The following PTPRN2 variants were observed in gnomAD, a reference collection of about 807,000 sequenced individuals.
PTPRN2 encodes the protein protein tyrosine phosphatase receptor type N2.
In PTPRN2, 74 loss-of-function variants were observed where a neutral mutation model predicts 118.8. The ratio of observed to expected loss-of-function variants is 0.62; its 90% CI spans 0.52 to 0.76. The LOEUF (loss-of-function observed/expected upper bound fraction) is 0.76. Ranked by LOEUF, PTPRN2 falls within the 30% of genes least tolerant of loss-of-function variation. The pLI is 0.00. For missense variants in PTPRN2, 1,481 were observed against 1,394.4 expected (o/e 1.06, Z -0.99); for synonymous variants, 641 against 608.0 (o/e 1.05, Z -0.80).
chr7:158,337,213 T>C (rs1159507143), intron 2 of PTPRN2, among the ~76,000 whole-genome samples: 3 of 149,558 alleles, frequency 2.0e-5, no homozygotes, highest in South Asian at 2.2e-4. Flanking sequence ...AGGTGACACT[T>C]GCAGACGTCA....
chr7:158,205,103 A>G (rs1048052907), intron 4 of PTPRN2, 68 bp downstream of exon 4: 3 of 1,291,924 alleles, frequency 2.3e-6, no homozygotes, highest in Non-Finnish European at 3.4e-6. Context: ...CAAACAAACA[A>G]ATAATAAGTG....
intron 11 of PTPRN2, among the ~76,000 whole-genome samples, chr7:158,018,310 G>T (rs913497894): frequency 1.3e-5 from 2 of 152,228 alleles, no homozygotes; most frequent in Non-Finnish European, 2.9e-5. Context: ...GAAGGAAAAG[G>T]CTCTTGCCTG....
rs925855687 is a variant in PTPRN2 at position 157,868,440 on chromosome 7, T to C, written c.1788+30233A>G. The C allele has an allele frequency of 2.0e-5, 3 of 152,266 alleles. No individual in the cohort carries two copies. Among genetic ancestry groups the C allele is most frequent in the Admixed American group, 2.0e-4 (3 of 15,282 alleles). 9.4% of individuals were successfully genotyped at this position (152,266 alleles called of 1,614,324 possible). A position where few individuals can be genotyped will look rare whatever the true frequency, so the allele number is the denominator to read the frequency against. ...TAGGAAAGCAGACCCAGCCTCTGGA[T>C]TAAAACCATGCCTGGAGGAAACTGG... On this transcript the variant is annotated intron_variant, in intron 12 of 22. Coordinates refer to ENST00000389418, the MANE Select transcript of PTPRN2 (RefSeq NM_002847.5). The surrounding 1 kb of genome is among the most constrained non-coding windows in gnomAD (Gnocchi z 5.2).
chr7:157,693,563 C>A (rs1228765109), intron 12 of PTPRN2, among the ~76,000 whole-genome samples: 3 of 152,084 alleles, frequency 2.0e-5, no homozygotes, highest in Non-Finnish European at 4.4e-5. Context: ...TCCCAGCGAC[C>A]CGGAGCACAG....
intron 12 of PTPRN2, among the ~76,000 whole-genome samples, chr7:157,858,120 A>G (rs1347612804): frequency 2.1e-5 from 2 of 96,826 alleles, no homozygotes; most frequent in Non-Finnish European, 4.3e-5. Flanking sequence ...CCTCCCAGCC[A>G]CCACCCACAC....
chr7:158,580,894 C>T (rs751523381), intron 1 of PTPRN2, among the ~76,000 whole-genome samples: 5 of 152,140 alleles, frequency 3.3e-5, no homozygotes, highest in Admixed American at 6.5e-5. Context: ...AAAAATAAGT[C>T]GCCCATTTCC....
At chr7:158,484,188 C>T (rs1016684241) in intron 2 of PTPRN2, among the ~76,000 whole-genome samples, 1 of 152,042 alleles carries the variant, frequency 6.6e-6, no homozygotes, top group Non-Finnish European at 1.5e-5. Flanking sequence ...TCTGAATGTT[C>T]AGAGTTCCGT....
At chr7:158,372,139 G>T (rs1248928863) in intron 2 of PTPRN2, among the ~76,000 whole-genome samples, 1 of 152,118 alleles carries the variant, frequency 6.6e-6, no homozygotes, top group Non-Finnish European at 1.5e-5. Flanking sequence ...AGCTCTAAGA[G>T]GTCCCCGTGG....
At chr7:157,978,596 C>T (rs1005927049) in intron 11 of PTPRN2, among the ~76,000 whole-genome samples, 3 of 151,888 alleles carry the variant, frequency 2.0e-5, no homozygotes, top group African/African-American at 7.2e-5. Flanking sequence ...CCTTCAAAGT[C>T]ACAAACACTC....
At chr7:158,131,817 C>T (rs971624748) in intron 9 of PTPRN2, among the ~76,000 whole-genome samples, 14 of 149,600 alleles carry the variant, frequency 9.4e-5, no homozygotes, top group African/African-American at 1.5e-4. Context: ...CACACAAATA[C>T]GCAAATACAC....
chr7:157,590,739 G>A lies in PTPRN2; in HGVS notation c.2496+4499C>T, dbSNP rs1433213726. 1.3e-5 allele frequency among the ~76,000 whole-genome samples: 2 copies of A among 152,118 alleles called. No individual in the cohort carries two copies. Among genetic ancestry groups the A allele is most frequent in the African/African-American group, 4.8e-5 (2 of 41,436 alleles). ...CTCGATGCCCCATGCTCACCGAGGG[G>A]ACTTCCCCTGAACCCGTCTTCCAGG... On this transcript the variant is annotated intron_variant, in intron 17 of 22. Transcript: ENST00000389418. The surrounding 1 kb of genome is among the most constrained non-coding windows in gnomAD (Gnocchi z 4.0).
chr7:158,164,517 T>TCG (rs1405387979), intron 6 of PTPRN2, among the ~76,000 whole-genome samples: 3 of 130,090 alleles, frequency 2.3e-5, no homozygotes, highest in Admixed American at 7.4e-5. Flanking sequence ...TAGGGAGGGC[T>TCG]CAGAGCGGGA....
At chr7:157,687,367 G>A (rs1033904619) in intron 12 of PTPRN2, among the ~76,000 whole-genome samples, 6 of 152,224 alleles carry the variant, frequency 3.9e-5, no homozygotes, top group Non-Finnish European at 8.8e-5. Context: ...CCTTTTCCAA[G>A]GTTGTGTGAT....
At chr7:157,726,071 C>T (rs369599812) in intron 12 of PTPRN2, among the ~76,000 whole-genome samples, 116 of 120,032 alleles carry the variant, frequency 9.7e-4, no homozygotes, top group African/African-American at 3.0e-3. Context: ...GATATCCACA[C>T]GCAGAGGAGT....
chr7:157,694,045 G>C (rs901612859), intron 12 of PTPRN2, among the ~76,000 whole-genome samples: 1 of 152,280 alleles, frequency 6.6e-6, no homozygotes, highest in Admixed American at 6.5e-5. Flanking sequence ...GTACAGGCCA[G>C]AGAGCTGGTT....
rs1467720441 is a variant in PTPRN2 at position 157,964,999 on chromosome 7, G to T, written c.1724-66262C>A. Among the ~76,000 whole-genome samples the T allele has an allele frequency of 2.0e-5, 3 of 152,204 alleles. No homozygotes were observed. The highest frequency in any genetic ancestry group is 7.2e-5 in the African/African-American group (3 of 41,448). ...ACAGGGATCTGAGGCACAAGGCAGG[G>T]CTGTCCCAGGCAAACAGGGACACCG... is the stretch of plus-strand genomic sequence containing the variant. On this transcript the variant is annotated intron_variant, in intron 11 of 22. Transcript: ENST00000389418. This position sits in a 1 kb window ranked among gnomAD's most constrained non-coding sequence, Gnocchi z 9.0.
intron 13 of PTPRN2, among the ~76,000 whole-genome samples, chr7:157,660,375 A>C (rs1347089124): frequency 6.6e-6 from 1 of 152,170 alleles, no homozygotes; most frequent in African/African-American, 2.4e-5. Flanking sequence ...TGGAGGGTGA[A>C]GCCACCAAGA....
intron 19 of PTPRN2, among the ~76,000 whole-genome samples, chr7:157,572,007 C>T (rs961018641): frequency 3.9e-5 from 6 of 152,188 alleles, no homozygotes; most frequent in East Asian, 1.9e-4. Flanking sequence ...ATCTAAATTA[C>T]GGAGAAACCT....
chr7:158,450,719 G>T (rs778191915), intron 2 of PTPRN2, among the ~76,000 whole-genome samples: 3 of 152,218 alleles, frequency 2.0e-5, no homozygotes, highest in Non-Finnish European at 2.9e-5. Context: ...TCCATTGTAT[G>T]AAAATAAAAT....
Sources: gnomAD v4.1 joint callset for allele counts (sites outside exome capture counted in the v4.1 genomes callset) on GRCh38, gnomAD v4.1.1 for gene constraint, Gnocchi (gnomAD v3.1) non-coding constraint, MANE v1.5 for transcripts, NCBI Gene and HGNC (gene_info 2026-07-23, HGNC 2026-07-21) for gene names.